Variants in PFKFB1 observed in about 807,000 individuals in gnomAD.
The protein encoded by PFKFB1 is 6-phosphofructo-2-kinase/fructose-2,6-biphosphatase 1, also known as 6-phosphofructo-2-kinase/fructose-2,6-bisphosphatase 1.
Under a neutral mutation model 46.4 loss-of-function variants are expected in PFKFB1, and 34 were observed. That is an observed-to-expected ratio of 0.73 (90% CI 0.56 to 0.98). The LOEUF is 0.98. PFKFB1 is among the 50% of genes least tolerant of loss of function. PFKFB1 has a pLI of 0.00. For synonymous variants in PFKFB1, 119 were observed against 133.8 expected (o/e 0.89, Z 0.76); for missense variants, 393 against 376.3 (o/e 1.04, Z -0.37).
intron 1 of PFKFB1, among the ~76,000 whole-genome samples, chrX:54,989,120 T>C (rs375741311): frequency 1.8e-5 from 2 of 111,578 alleles, no homozygotes; most frequent in African/African-American, 6.5e-5. Flanking sequence ...GAATTCCTTT[T>C]TGGCATAAAG....
rs1312564749 is a variant in PFKFB1 at position 54,939,573 on chromosome X, C to A, written c.1099-1849G>T. ...TGATAAAGGGAATATCACCACCGAT[C>A]CCACAGATACACAAACTACCATCAG... On this transcript the variant is annotated intron_variant, in intron 10 of 13. Coordinates refer to ENST00000375006, the MANE Select transcript of PFKFB1 (RefSeq NM_002625.4). Among the ~76,000 whole-genome samples the A allele has an allele frequency of 1.6e-4, 18 of 111,698 alleles. No homozygotes were observed. In the Admixed American group the frequency reaches 1.7e-3, roughly 11 times the overall value.
rs764052103 is a variant in PFKFB1, at chrX:54,937,701, A to G, written c.1122T>C (p.Arg374=). Residue 374 remains arginine, a synonymous_variant, in exon 11 of 14, where the codon CGT becomes CGC. Coordinates refer to ENST00000375006, the MANE Select transcript of PFKFB1 (RefSeq NM_002625.4). ...KGESYEDLVQ[R]LEPVIMELER... ...CTAGCTCCATTATCACTGGCTCCAGACGCTGAACCAGATCCTCATAGGACT... is the reference window on the plus strand; with the variant it reads ...CTAGCTCCATTATCACTGGCTCCAGGCGCTGAACCAGATCCTCATAGGACT... 6 of 1,208,189 alleles carry G rather than the reference A, an allele frequency of 5.0e-6. No homozygotes were observed. The highest frequency in any genetic ancestry group is 6.7e-6 in the Non-Finnish European group (6 of 892,558).
At chrX:54,976,281 CAAT>C (rs1363804119) in intron 1 of PFKFB1, among the ~76,000 whole-genome samples, 1 of 110,968 alleles carries the variant, frequency 9.0e-6, no homozygotes, top group African/African-American at 3.3e-5. Flanking sequence ...TAAAACTGAA[CAAT>C]AAAAGATAAA....
intron 1 of PFKFB1, among the ~76,000 whole-genome samples, chrX:54,965,991 A>AC (rs753533745): frequency 1.8e-5 from 2 of 111,837 alleles, no homozygotes; most frequent in South Asian, 3.7e-4. Flanking sequence ...GGCAGAAAAA[A>AC]AGAGGGAAAA....
intron 1 of PFKFB1, among the ~76,000 whole-genome samples, chrX:54,980,821 A>G (rs1168124274): frequency 9.0e-6 from 1 of 110,968 alleles, no homozygotes; most frequent in Non-Finnish European, 1.9e-5. Context: ...AAAAGCTATA[A>G]TTGGAATTAT....
chrX:54,963,317 T>G lies in PFKFB1; in HGVS notation c.163A>C (p.Lys55Gln). The G allele has an allele frequency of 8.3e-7, 1 of 1,207,495 alleles. No homozygotes were observed. Among genetic ancestry groups the G allele is most frequent in the Non-Finnish European group, 1.1e-6 (1 of 891,720 alleles). Residue 55 changes from lysine to glutamine, a missense_variant, in exon 2 of 14, where the codon AAG becomes CAG. Coordinates refer to ENST00000375006, the MANE Select transcript of PFKFB1 (RefSeq NM_002625.4). Reference protein sequence around the residue: ...VIMVGLPARGKTYISTKLTRY... With the variant: ...VIMVGLPARGQTYISTKLTRY... Reference sequence around the variant, plus strand: ...GTGAGCTTTGTGGAGATATAGGTCTTGCCTCGAGCTGGTAAACCCACCATG... The same window carrying G: ...GTGAGCTTTGTGGAGATATAGGTCTGGCCTCGAGCTGGTAAACCCACCATG...
chrX:54,971,959 C>T (rs1412069667), intron 1 of PFKFB1, among the ~76,000 whole-genome samples: 97 of 111,611 alleles, frequency 8.7e-4, no homozygotes, highest in Middle Eastern at 4.6e-3. Context: ...ATTGATTCTT[C>T]CTACCCATGA....
At chrX:54,935,262 CCGGCCACCCTGGAGA>C (rs1167957241) in intron 11 of PFKFB1, among the ~76,000 whole-genome samples, 1 of 111,858 alleles carries the variant, frequency 8.9e-6, no homozygotes, top group East Asian at 2.8e-4. Flanking sequence ...GAGGGTTGGG[CCGGCCACCCTGGAGA>C]CGGCCACCAC....
At chrX:54,994,224 G>A (rs767829700), upstream of PFKFB1, 4 of 1,030,763 alleles carry the variant, frequency 3.9e-6, no homozygotes, top group Non-Finnish European at 4.9e-6. Flanking sequence ...ATGTACTAGT[G>A]GGGTATTGGG....
chrX:54,994,057 A>G lies in PFKFB1; in HGVS notation c.-50T>C. 3 of 1,169,563 alleles carry G rather than the reference A, an allele frequency of 2.6e-6. No individual in the cohort carries two copies. The highest frequency in any genetic ancestry group is 3.4e-6 in the Non-Finnish European group (3 of 873,534). On this transcript the variant is annotated 5_prime_UTR_variant, in exon 1 of 14. Coordinates refer to ENST00000375006, the MANE Select transcript of PFKFB1 (RefSeq NM_002625.4). ...CACTGCCCACAAGGTACCTGGCCTCACTTCCTATCTTACTAGCTGTCTTTT... is the reference window on the plus strand; with the variant it reads ...CACTGCCCACAAGGTACCTGGCCTCGCTTCCTATCTTACTAGCTGTCTTTT...
rs143062179 is a variant in PFKFB1 at position 54,952,016 on chromosome X, C to T, written c.735G>A (p.Met245Ile). ...TGGAGCGAGGTGTGACATGGATATT[C>T]ATGAGGTAGTAGACTGTGCGGCTCT... ...HIQSRTVYYL[M>I]NIHVTPRSIY... Residue 245 changes from methionine (M) to isoleucine (I), a missense_variant, in exon 8 of 14, where the codon ATG becomes ATA. Coordinates refer to ENST00000375006, the MANE Select transcript of PFKFB1 (RefSeq NM_002625.4). The T allele has an allele frequency of 2.8e-5, 34 of 1,209,282 alleles. No homozygotes were observed. Among genetic ancestry groups the T allele is most frequent in the Non-Finnish European group, 3.7e-5 (33 of 894,355 alleles).
chrX:54,986,970 G>C (rs1005116065), intron 1 of PFKFB1, among the ~76,000 whole-genome samples: 2 of 109,574 alleles, frequency 1.8e-5, no homozygotes, highest in African/African-American at 6.6e-5. Context: ...ACAGAGACTA[G>C]GAAAACATTA....
chrX:54,975,986 T>G (rs778452408), intron 1 of PFKFB1, among the ~76,000 whole-genome samples: 1 of 111,306 alleles, frequency 9.0e-6, no homozygotes, highest in South Asian at 3.7e-4. Context: ...ACTATAAAAC[T>G]TCTAAAAAAA....
At position 54,956,201 on chromosome X, in the gene PFKFB1, A is replaced by G. The variant is rs775433301; in HGVS notation, c.590T>C (p.Ile197Thr). 2 of 1,209,755 alleles carry G rather than the reference A, an allele frequency of 1.7e-6. No individual in the cohort carries two copies. Among genetic ancestry groups the G allele is most frequent in the Non-Finnish European group, 2.2e-6 (2 of 894,930 alleles). ...TTGGTAGTTGACCTCATAGCACTCA[A>G]TTCTCTTTAGAAAGTCTTCCAGAAC... ...EKVLEDFLKR[I>T]ECYEVNYQPL... Residue 197 changes from isoleucine to threonine, a missense_variant, in exon 7 of 14, where the codon ATT becomes ACT. Physicochemically the swap from Ile to Thr is moderately conservative, Grantham distance 89. Coordinates refer to ENST00000375006, the MANE Select transcript of PFKFB1 (RefSeq NM_002625.4).
At chrX:54,972,995 G>A (rs1301899843) in intron 1 of PFKFB1, among the ~76,000 whole-genome samples, 1 of 111,477 alleles carries the variant, frequency 9.0e-6, no homozygotes, top group African/African-American at 3.3e-5. Flanking sequence ...GTAAGCTATT[G>A]ATTATTGCTA....
intron 2 of PFKFB1, among the ~76,000 whole-genome samples, chrX:54,962,899 A>G (rs1044492113): frequency 2.1e-4 from 23 of 112,089 alleles, no homozygotes; most frequent in African/African-American, 7.5e-4. Flanking sequence ...GAAATGGTGA[A>G]GAAGTGGTAA....
chrX:54,945,455 C>T lies in PFKFB1; in HGVS notation c.1082G>A (p.Arg361His), dbSNP rs1392212560. The change falls in exon 10 of 14, where the codon CGC becomes CAC. Residue 361 changes from arginine (R) to histidine (H), a missense_variant. Transcript: ENST00000375006. ...AAACCTTACCTCTCCCTTGGGATAG[C>T]GGTAGCGATATTTATCTTGGTCTCG... ...ALRDQDKYRY[R>H]YPKGESYEDL... 2.5e-6 allele frequency: 3 copies of T among 1,189,928 alleles called. No homozygotes were observed. Among genetic ancestry groups the T allele is most frequent in the Non-Finnish European group, 3.4e-6 (3 of 877,428 alleles).
chrX:54,997,642 A>T (rs1362437917), upstream of PFKFB1, among the ~76,000 whole-genome samples: 1 of 111,422 alleles, frequency 9.0e-6, no homozygotes, highest in Admixed American at 9.5e-5. Context: ...GTGAGGGGAG[A>T]TCGACCACAC....
intron 9 of PFKFB1, among the ~76,000 whole-genome samples, chrX:54,947,597 A>G (rs981117483): frequency 8.9e-6 from 1 of 112,455 alleles, no homozygotes; most frequent in South Asian, 3.7e-4. Context: ...ACACATATGT[A>G]TGAATGTACA....
Sources: gnomAD v4.1 joint callset for allele counts (sites outside exome capture counted in the v4.1 genomes callset) on GRCh38, gnomAD v4.1.1 for gene constraint, MANE v1.5 for transcripts, NCBI Gene and HGNC (gene_info 2026-07-23, HGNC 2026-07-21) for gene names.